The following C12orf42 variants were observed in gnomAD, a reference collection of about 807,000 sequenced individuals.
C12orf42 encodes chromosome 12 open reading frame 42, also known as uncharacterized protein C12orf42.
A neutral mutation model predicts 21.6 loss-of-function variants in C12orf42; 25 were observed. The observed-to-expected ratio is 1.16, with a 90% CI of 0.84 to 1.62. The LOEUF (loss-of-function observed/expected upper bound fraction) is 1.62. Among genes scored for constraint, C12orf42 ranks in the 40% most tolerant of loss-of-function variants. The probability of loss-of-function intolerance (pLI) is 0.00; values close to 1 mark genes in which losing one functional copy is unlikely to be tolerated. For synonymous variants in C12orf42, 174 were observed against 175.0 expected, an observed-to-expected ratio of 0.99 and a Z score of 0.05; for missense variants, 483 against 459.3, an observed-to-expected ratio of 1.05 and a Z score of -0.47.
chr12:103,398,226 T>G (rs189005161), intron 3 of C12orf42, among the ~76,000 whole-genome samples: 21 of 152,330 alleles, frequency 1.4e-4, no homozygotes, highest in Middle Eastern at 6.8e-3. Context: ...GAGTATGAAA[T>G]CATCTTTCAT....
At chr12:103,413,173 C>T (rs1463493218) in intron 2 of C12orf42, among the ~76,000 whole-genome samples, 1 of 152,174 alleles carries the variant, frequency 6.6e-6, no homozygotes, top group Non-Finnish European at 1.5e-5. Flanking sequence ...CAGCATATAG[C>T]TAGCCAGTTA....
chr12:103,203,904 A>G, the C12orf42 span, among the ~76,000 whole-genome samples: 3 of 152,218 alleles, frequency 2.0e-5, no homozygotes, highest in Non-Finnish European at 4.4e-5. Context: ...AAAGGAGAAG[A>G]GCAGAAATTT....
chr12:103,130,939 G>A, the C12orf42 span, among the ~76,000 whole-genome samples: 5 of 152,284 alleles, frequency 3.3e-5, no homozygotes, highest in African/African-American at 4.8e-5. Flanking sequence ...TCTGGTCCAC[G>A]TATACCCACA....
chr12:103,113,057 T>C, the C12orf42 span, among the ~76,000 whole-genome samples: 1 of 152,176 alleles, frequency 6.6e-6, no homozygotes, highest in African/African-American at 2.4e-5. Context: ...ATCTAACGTA[T>C]TGTGATAGCC....
chr12:103,384,067 T>C (rs1400617015), intron 3 of C12orf42, among the ~76,000 whole-genome samples: 2 of 152,236 alleles, frequency 1.3e-5, no homozygotes, highest in African/African-American at 4.8e-5. Flanking sequence ...ATGGTATTCA[T>C]AGCACTATTC....
the C12orf42 span, among the ~76,000 whole-genome samples, chr12:103,101,087 C>G: frequency 6.6e-6 from 1 of 152,152 alleles, no homozygotes; most frequent in Admixed American, 6.5e-5. Context: ...ATTTCTTCAC[C>G]TGGAAAATGG....
the C12orf42 span, among the ~76,000 whole-genome samples, chr12:103,145,354 A>T: frequency 6.6e-6 from 1 of 152,174 alleles, no homozygotes; most frequent in African/African-American, 2.4e-5. Context: ...TTAGAGAAAA[A>T]GTAGAGATAC....
the C12orf42 span, among the ~76,000 whole-genome samples, chr12:103,076,520 G>C: frequency 9.2e-5 from 14 of 152,172 alleles, no homozygotes; most frequent in African/African-American, 3.4e-4. Context: ...ACTAGAACTG[G>C]TTCCAGGGCC....
At chr12:103,291,945 G>A (rs1262898228) in intron 4 of C12orf42, among the ~76,000 whole-genome samples, 1 of 152,092 alleles carries the variant, frequency 6.6e-6, no homozygotes, top group Non-Finnish European at 1.5e-5. Context: ...CAAAACATAT[G>A]TACACACAAA....
intron 4 of C12orf42, among the ~76,000 whole-genome samples, chr12:103,363,035 G>A (rs1186934262): frequency 6.6e-6 from 1 of 151,996 alleles, no homozygotes; most frequent in Admixed American, 6.6e-5. Flanking sequence ...CATCACCTAG[G>A]CACATTGTCA....
the C12orf42 span, among the ~76,000 whole-genome samples, chr12:103,176,444 A>T: frequency 6.6e-6 from 1 of 152,194 alleles, no homozygotes; most frequent in South Asian, 2.1e-4. Context: ...TAAATGAGAT[A>T]ATAATGCACA....
chr12:103,489,846 A>T (rs542338565), intron 1 of C12orf42, among the ~76,000 whole-genome samples: 2 of 152,298 alleles, frequency 1.3e-5, no homozygotes, highest in South Asian at 4.1e-4. Flanking sequence ...TTTTCCAAGT[A>T]TAGCTTGTCA....
intron 4 of C12orf42, among the ~76,000 whole-genome samples, chr12:103,362,015 T>G (rs1374176932): frequency 1.3e-5 from 2 of 152,098 alleles, no homozygotes; most frequent in Non-Finnish European, 2.9e-5. Context: ...GCTGATGCCC[T>G]CTTGAAAGTG....
intron 4 of C12orf42, among the ~76,000 whole-genome samples, chr12:103,289,121 G>A (rs2036642700): frequency 6.6e-6 from 1 of 152,114 alleles, no homozygotes; most frequent in Admixed American, 6.6e-5. Context: ...AGAACAGGTA[G>A]TACTAATATA....
intron 3 of C12orf42, among the ~76,000 whole-genome samples, chr12:103,401,215 A>G (rs1161727230): frequency 1.3e-5 from 2 of 152,178 alleles, no homozygotes; most frequent in African/African-American, 4.8e-5. Context: ...TAACAGGTCA[A>G]CTTTTTGCCT....
chr12:103,295,633 C>G (rs2037216672), intron 4 of C12orf42, among the ~76,000 whole-genome samples: 1 of 152,072 alleles, frequency 6.6e-6, no homozygotes, highest in Non-Finnish European at 1.5e-5. Flanking sequence ...ATGACACAGT[C>G]AGCAGAAATT....
At chr12:103,268,446 G>C (rs1328327343), downstream of C12orf42, 1 of 151,366 alleles carries the variant, frequency 6.6e-6, no homozygotes, top group African/African-American at 2.4e-5. Context: ...ATTTTTCCCC[G>C]ACAGTGACCT....
At chr12:103,056,299 T>C in the C12orf42 span, among the ~76,000 whole-genome samples, 3 of 152,182 alleles carry the variant, frequency 2.0e-5, no homozygotes, top group Non-Finnish European at 4.4e-5. Context: ...TTTTGGCCTC[T>C]GGGGTTTCTG....
the C12orf42 span, among the ~76,000 whole-genome samples, chr12:103,052,884 A>G: frequency 6.6e-6 from 1 of 152,156 alleles, no homozygotes; most frequent in Admixed American, 6.5e-5. Context: ...CAGTTGAAAC[A>G]TTACCGAACA....
Sources: gnomAD v4.1 joint callset for allele counts (sites outside exome capture counted in the v4.1 genomes callset) on GRCh38, gnomAD v4.1.1 for gene constraint, MANE v1.5 for transcripts, NCBI Gene and HGNC (gene_info 2026-07-23, HGNC 2026-07-21) for gene names.